CDH13: variants seen among roughly 807,000 people sequenced by gnomAD.
CDH13 encodes the protein cadherin 13, also known as cadherin-13.
A neutral mutation model predicts 63.8 loss-of-function variants in CDH13; 24 were observed. That is an observed-to-expected ratio of 0.38 (90% CI 0.27 to 0.53). The LOEUF (loss-of-function observed/expected upper bound fraction) is 0.53, where lower values mean the gene tolerates loss of function less well. Among genes scored for constraint, CDH13 ranks in the 20% least tolerant of loss-of-function variants. The pLI is 0.85. For synonymous variants in CDH13, 503 were observed against 355.3 expected (o/e 1.42, Z -4.67); for missense variants, 1,049 against 903.1 (o/e 1.16, Z -2.07).
intron 7 of CDH13, among the ~76,000 whole-genome samples, chr16:83,596,874 A>G (rs1373447535): frequency 6.6e-6 from 1 of 152,188 alleles, no homozygotes; most frequent in Non-Finnish European, 1.5e-5. Flanking sequence ...CATTACAGAA[A>G]AATCCCCAAA....
intron 3 of CDH13, among the ~76,000 whole-genome samples, chr16:83,116,274 A>T (rs1042103607): frequency 1.3e-5 from 2 of 151,660 alleles, no homozygotes; most frequent in Admixed American, 6.6e-5. Context: ...GCAACCGGGG[A>T]GGTGTTATCA....
At chr16:83,460,056 CAATA>C (rs987853006) in intron 6 of CDH13, among the ~76,000 whole-genome samples, 1 of 151,834 alleles carries the variant, frequency 6.6e-6, no homozygotes, top group Non-Finnish European at 1.5e-5. Context: ...CTTCTAAACT[CAATA>C]AGATAGCAAA....
intron 5 of CDH13, among the ~76,000 whole-genome samples, chr16:83,248,295 G>A (rs1905163245): frequency 6.6e-6 from 1 of 152,078 alleles, no homozygotes; most frequent in Admixed American, 6.5e-5. Flanking sequence ...CAGAGGCAGG[G>A]GGGTACATAA....
chr16:83,368,053 C>A (rs968784722), intron 6 of CDH13, among the ~76,000 whole-genome samples: 1 of 152,182 alleles, frequency 6.6e-6, no homozygotes, highest in African/African-American at 2.4e-5. Flanking sequence ...GAATTATTTT[C>A]TTAATTTCTT....
Position 83,798,535 on chromosome 16 carries a change from T to A in CDH13, c.*3505T>A, listed in dbSNP as rs1904294860. The stretch of plus-strand genomic sequence containing the variant: ...TCTCCAACTCACAGATAAAGAAGGC[T>A]GAGGCTCAGAAAAATTGAATGGCTT... On this transcript the variant is annotated 3_prime_UTR_variant, in exon 14 of 14. Coordinates refer to ENST00000567109, the MANE Select transcript of CDH13 (RefSeq NM_001257.5). 1 of 152,222 alleles carries A rather than the reference T, an allele frequency of 6.6e-6. No homozygotes were observed. Among genetic ancestry groups the A allele is most frequent in the African/African-American group, 2.4e-5 (1 of 41,458 alleles). 9.4% of individuals were successfully genotyped at this position (152,222 alleles called of 1,614,324 possible).
intron 6 of CDH13, among the ~76,000 whole-genome samples, chr16:83,397,687 A>G (rs961409671): frequency 6.6e-6 from 1 of 152,208 alleles, no homozygotes; most frequent in African/African-American, 2.4e-5. Flanking sequence ...TGTTTCAAAG[A>G]CATTATGCCT....
chr16:82,707,294 A>C (rs2044180626), intron 1 of CDH13, among the ~76,000 whole-genome samples: 1 of 152,188 alleles, frequency 6.6e-6, no homozygotes, highest in African/African-American at 2.4e-5. Context: ...GGAGATTTCA[A>C]AGAGAAGGGA....
intron 8 of CDH13, among the ~76,000 whole-genome samples, chr16:83,665,068 C>G (rs1340722063): frequency 2.0e-5 from 3 of 152,136 alleles, no homozygotes; most frequent in Non-Finnish European, 4.4e-5. Context: ...ATGCCGCTTT[C>G]CCTTCCAAAT....
intron 5 of CDH13, among the ~76,000 whole-genome samples, chr16:83,285,784 G>C (rs1372196946): frequency 4.6e-5 from 7 of 152,098 alleles, no homozygotes; most frequent in Non-Finnish European, 8.8e-5. Flanking sequence ...CTGGATTCTA[G>C]AGCACATTCT....
At chr16:82,996,117 G>A (rs1469872418) in intron 2 of CDH13, among the ~76,000 whole-genome samples, 2 of 152,064 alleles carry the variant, frequency 1.3e-5, no homozygotes, top group Non-Finnish European at 2.9e-5. Context: ...AAACCTTCGG[G>A]CAGATGAAAT....
At chr16:82,858,169 C>T (rs946105775) in intron 1 of CDH13, among the ~76,000 whole-genome samples, 193 bp from the exon 2 acceptor site, 1 of 152,188 alleles carries the variant, frequency 6.6e-6, no homozygotes, top group African/African-American at 2.4e-5. Context: ...AGCAGCTGTT[C>T]CATTTGCGTA....
chr16:82,991,592 T>A (rs72792137), intron 2 of CDH13, among the ~76,000 whole-genome samples: 15,260 of 152,106 alleles, frequency 0.1, 862 homozygotes, highest in African/African-American at 0.16. Context: ...CAGGACATAA[T>A]ATATAAAACT....
At chr16:83,179,481 T>TACAAAAAAAAAAAAAA (rs2038258675) in intron 4 of CDH13, among the ~76,000 whole-genome samples, 1 of 69,096 alleles carries the variant, frequency 1.4e-5, no homozygotes, top group Non-Finnish European at 2.8e-5. Context: ...CCGTCTCTAC[T>TACAAAAAAAAAAAAAA]AAAAAAAAAA....
At chr16:82,632,178 A>C (rs1248893724) in intron 1 of CDH13, among the ~76,000 whole-genome samples, 2 of 152,106 alleles carry the variant, frequency 1.3e-5, no homozygotes, top group Non-Finnish European at 2.9e-5. Context: ...CATAATCGTC[A>C]CCACTCTCTA....
intron 4 of CDH13, among the ~76,000 whole-genome samples, chr16:83,148,406 G>C (rs530060279): frequency 6.6e-6 from 1 of 152,222 alleles, no homozygotes; most frequent in African/African-American, 2.4e-5. Flanking sequence ...TTTGCTGGAA[G>C]AACTAAGACG....
At chr16:82,670,857 G>C (rs1027184255) in intron 1 of CDH13, among the ~76,000 whole-genome samples, 1 of 152,180 alleles carries the variant, frequency 6.6e-6, no homozygotes, top group African/African-American at 2.4e-5. Flanking sequence ...TTTAGTACCT[G>C]AGATATAAAC....
At chr16:83,010,873 C>T (rs150955605) in intron 2 of CDH13, among the ~76,000 whole-genome samples, 1 of 152,272 alleles carries the variant, frequency 6.6e-6, no homozygotes, top group African/African-American at 2.4e-5. Context: ...TGGTTCTCCC[C>T]ATTCTTTAAG....
At chr16:83,714,179 A>C (rs1385774572) in intron 10 of CDH13, among the ~76,000 whole-genome samples, 1 of 152,224 alleles carries the variant, frequency 6.6e-6, no homozygotes, top group Admixed American at 6.5e-5. Context: ...ATCCACTGCA[A>C]ATCACACGAT....
At position 82,959,601 on chromosome 16, in the gene CDH13, A is replaced by G. The variant is rs573659340; in HGVS notation, c.158-72409A>G. ...CTCCTTTGCACTCTTTTCGACCTCCATCTCTAATTTTCAGGACCCTTGTGA... is the reference window on the plus strand; with the variant it reads ...CTCCTTTGCACTCTTTTCGACCTCCGTCTCTAATTTTCAGGACCCTTGTGA... On this transcript the variant is annotated intron_variant, in intron 2 of 13. Coordinates refer to ENST00000567109, the MANE Select transcript of CDH13 (RefSeq NM_001257.5). Among the ~76,000 whole-genome samples, 73 of 152,180 alleles carry G rather than the reference A, an allele frequency of 4.8e-4. 1 individual carries two copies. The highest frequency in any genetic ancestry group is 6.8e-3 in the Middle Eastern group (2 of 294).
Sources: allele counts gnomAD v4.1 joint callset (sites outside exome capture counted in the v4.1 genomes callset), GRCh38; gene constraint gnomAD v4.1.1; transcripts MANE v1.5; gene names NCBI Gene and HGNC (gene_info 2026-07-23, HGNC 2026-07-21).